The following MAP3K10 variants were observed in gnomAD, a reference collection of about 807,000 sequenced individuals.
The protein encoded by MAP3K10 is MKN28 derived nonreceptor_type serine/threonine kinase.
Under a neutral mutation model 75.0 loss-of-function variants are expected in MAP3K10, and 22 were observed. That is an observed-to-expected ratio of 0.29 (90% CI 0.21 to 0.42). MAP3K10 has a LOEUF of 0.42. Among genes scored for constraint, MAP3K10 ranks in the 10% least tolerant of loss-of-function variants. MAP3K10 has a pLI of 1.00. For synonymous variants in MAP3K10, 599 were observed against 612.9 expected, an observed-to-expected ratio of 0.98 and a Z score of 0.34; for missense variants, 1,165 against 1,379.8, an observed-to-expected ratio of 0.84 and a Z score of 2.47.
rs370743069 is a variant in MAP3K10 at position 40,204,601 on chromosome 19, C to T, written c.980C>T (p.Thr327Met). Reference sequence around the variant, plus strand: ...AAGCTGACGCTGCCCATTCCCTCCACGTGCCCCGAGCCCTTTGCCCGCCTC... The same window carrying T: ...AAGCTGACGCTGCCCATTCCCTCCATGTGCCCCGAGCCCTTTGCCCGCCTC... ...MNKLTLPIPS[T>M]CPEPFARLLE... The change falls in exon 3 of 10, where the codon ACG becomes ATG. Residue 327 changes from threonine (T) to methionine (M), a missense_variant. Around this residue, in one of 2 missense-constraint regions of MAP3K10, gnomAD observed 575 missense variants for 793.2 expected, o/e 0.72. Coordinates refer to ENST00000253055, the MANE Select transcript of MAP3K10 (RefSeq NM_002446.4). The surrounding 1 kb of genome is among the most constrained non-coding windows in gnomAD (Gnocchi z 4.3). 43 of 1,612,990 alleles carry T rather than the reference C, an allele frequency of 2.7e-5. No homozygotes were observed. Among genetic ancestry groups the T allele is most frequent in the Non-Finnish European group, 3.2e-5 (38 of 1,179,586 alleles).
chr19:40,213,998 G>GCCCACCCCCCCCCCCCCCCCCC lies in MAP3K10; in HGVS notation c.2322_2323insACCCCCCCCCCCCCCCCCCCCC (p.Ser775ThrfsTer84). The GCCCACCCCCCCCCCCCCCCCCC allele has an allele frequency of 1.3e-6, 2 of 1,521,834 alleles. No homozygotes were observed. The highest frequency in any genetic ancestry group is 2.0e-5 in the Admixed American group (1 of 48,826). The allele number at this position is 1,521,834 out of a possible 1,614,324, so 94.3% of individuals were successfully genotyped here. ...ACAGTGACGAGGCCGCACCGGCCGC[G>GCCCACCCCCCCCCCCCCCCCCC]CCCTCCCCACCACCCTCCCCGCCCG... On this transcript the variant is annotated frameshift_variant, in exon 9 of 10. Transcript: ENST00000253055. LOFTEE classifies it high-confidence loss of function. The surrounding 1 kb of genome is among the most constrained non-coding windows in gnomAD (Gnocchi z 5.7).
In MAP3K10 at chr19:40,198,541, C is replaced by T; in HGVS notation, c.849C>T (p.Ser283=). 6.2e-7 allele frequency: 1 copy of T among 1,612,492 alleles called. No homozygotes were observed. The highest frequency in any genetic ancestry group is 1.7e-5 in the Admixed American group (1 of 59,866). ...TCCGTCTCTCCCTCTTCTCCAAAAG[C>T]AGTGATGTCTGGAGGTGCTGAAAGG... ...EVIRLSLFSK[S]SDVWSFGVLL... Residue 283 remains serine, a synonymous_variant, in exon 2 of 10, where the codon AGC becomes AGT. Coordinates refer to ENST00000253055, the MANE Select transcript of MAP3K10 (RefSeq NM_002446.4). This position sits in a 1 kb window ranked among gnomAD's most constrained non-coding sequence, Gnocchi z 4.3.
Position 40,213,962 on chromosome 19 carries a change from G to T in MAP3K10, c.2283G>T (p.Leu761=). ...CCGACTGCAACTCCACGCGTTCACT[G>T]CTGCGCTCTGACAGTGACGAGGCCG... The part of the protein sequence containing the change: ...SVSDCNSTRS[L]LRSDSDEAAP... The change falls in exon 9 of 10, where the codon CTG becomes CTT. Residue 761 remains leucine, a synonymous_variant. Transcript: ENST00000253055. The surrounding 1 kb of genome is among the most constrained non-coding windows in gnomAD (Gnocchi z 5.7). 6.5e-7 allele frequency: 1 copy of T among 1,535,546 alleles called. No homozygotes were observed. Among genetic ancestry groups the T allele is most frequent in the Non-Finnish European group, 8.7e-7 (1 of 1,148,404 alleles).
In MAP3K10 at chr19:40,214,036, C is replaced by T. The variant is rs555782368; in HGVS notation, c.2357C>T (p.Thr786Met). ...CCCTCCCCGCCCGCGCCCACACCCA[C>T]GCCCTCGCCCAGCACCAACCCCCTG... ...PPPSPPAPTP[T>M]PSPSTNPLVD... The change falls in exon 9 of 10, where the codon ACG becomes ATG. Residue 786 changes from threonine (T) to methionine (M), a missense_variant. This residue lies in a region of MAP3K10 where 590 missense variants were observed against 586.6 expected (regional missense o/e 1.01). Coordinates refer to ENST00000253055, the MANE Select transcript of MAP3K10 (RefSeq NM_002446.4). 1.1e-5 allele frequency: 17 copies of T among 1,525,424 alleles called. No individual in the cohort carries two copies. The highest frequency in any genetic ancestry group is 8.4e-5 in the African/African-American group (6 of 71,528). 94.5% of individuals were successfully genotyped at this position (1,525,424 alleles called of 1,614,324 possible). A position where few individuals can be genotyped will look rare whatever the true frequency, so the allele number is the denominator to read the frequency against.
In MAP3K10 at chr19:40,192,671, G is replaced by T. The variant is rs1272200624; in HGVS notation, c.640G>T (p.Ala214Ser). Residue 214 changes from alanine (A) to serine (S), a missense_variant, in exon 1 of 10, where the codon GCC (alanine) becomes TCC (serine). Coordinates refer to ENST00000253055, the MANE Select transcript of MAP3K10 (RefSeq NM_002446.4). This position sits in a 1 kb window ranked among gnomAD's most constrained non-coding sequence, Gnocchi z 7.1. Reference sequence around the variant, plus strand: ...GGGCATGAACTACCTACACAATGATGCCCCTGTGCCCATCATCCACCGGGA... The same window carrying T: ...GGGCATGAACTACCTACACAATGATTCCCCTGTGCCCATCATCCACCGGGA... ...ARGMNYLHND[A>S]PVPIIHRDLK... is the part of the protein sequence containing the mutation. 8.3e-6 allele frequency: 13 copies of T among 1,558,796 alleles called. No individual in the cohort carries two copies.
chr19:40,201,032 T>C (rs935226641), intron 2 of MAP3K10, among the ~76,000 whole-genome samples: 4 of 152,046 alleles, frequency 2.6e-5, no homozygotes, highest in Non-Finnish European at 5.9e-5. Context: ...AGTAACCCCA[T>C]AGGTTTCCAA....
chr19:40,213,288 G>A lies in MAP3K10; in HGVS notation c.1837+100G>A. The A allele has an allele frequency of 6.9e-7, 1 of 1,455,388 alleles. No homozygotes were observed. Among genetic ancestry groups the A allele is most frequent in the East Asian group, 2.5e-5 (1 of 40,088 alleles). 90.2% of individuals were successfully genotyped at this position (1,455,388 alleles called of 1,614,324 possible). On this transcript the variant is annotated intron_variant, in intron 8 of 9. Coordinates refer to ENST00000253055, the MANE Select transcript of MAP3K10 (RefSeq NM_002446.4). This position sits in a 1 kb window ranked among gnomAD's most constrained non-coding sequence, Gnocchi z 5.7. Reference sequence around the variant, plus strand: ...AGACCAGGTTTCACTGGGCCAGTGAGTGGAAGGCCTTCCTGGGAAGGGAGA... The same window carrying A: ...AGACCAGGTTTCACTGGGCCAGTGAATGGAAGGCCTTCCTGGGAAGGGAGA...
intron 1 of MAP3K10, among the ~76,000 whole-genome samples, chr19:40,193,940 GA>G (rs1036591598): frequency 1.3e-5 from 2 of 152,136 alleles, no homozygotes; most frequent in African/African-American, 4.8e-5. Context: ...TCTACATCTT[GA>G]AATTTATTTT....
intron 6 of MAP3K10, among the ~76,000 whole-genome samples, chr19:40,209,894 G>A (rs185094635): frequency 6.8e-4 from 103 of 152,264 alleles, no homozygotes; most frequent in Non-Finnish European, 1.3e-3. Context: ...CACTTTGGGA[G>A]GATGAAGTGG....
intron 5 of MAP3K10, among the ~76,000 whole-genome samples, chr19:40,207,340 A>G (rs1301054303): frequency 6.6e-6 from 1 of 152,180 alleles, no homozygotes; most frequent in Non-Finnish European, 1.5e-5. Context: ...TGCCTTAAGC[A>G]GCAGTGGCCA....
Position 40,205,006 on chromosome 19 carries a change from A to G in MAP3K10, c.1013-115A>G. 2.2e-6 allele frequency: 2 copies of G among 928,940 alleles called. No individual in the cohort carries two copies. Among genetic ancestry groups the G allele is most frequent in the South Asian group, 3.0e-5 (2 of 67,542 alleles). The allele number at this position is 928,940 out of a possible 1,614,324, so 57.5% of individuals were successfully genotyped here. A position where few individuals can be genotyped will look rare whatever the true frequency, so the allele number is the denominator to read the frequency against. ...AATCCCTTCCCCTCAGCTCCATAGC[A>G]GCTGTTTGTCTGCCATCCCCAGAAA... is the stretch of plus-strand genomic sequence containing the variant. On this transcript the variant is annotated intron_variant, in intron 3 of 9. Coordinates refer to ENST00000253055, the MANE Select transcript of MAP3K10 (RefSeq NM_002446.4). This position sits in a 1 kb window ranked among gnomAD's most constrained non-coding sequence, Gnocchi z 4.3.
At chr19:40,211,139 C>T (rs1377101530) in intron 6 of MAP3K10, among the ~76,000 whole-genome samples, 1 of 152,124 alleles carries the variant, frequency 6.6e-6, no homozygotes, top group Non-Finnish European at 1.5e-5. Context: ...AAGCATGCCC[C>T]TGGCGGAGGG....
Position 40,215,081 on chromosome 19 carries a change from C to G in MAP3K10, c.2654C>G (p.Pro885Arg). 6.2e-7 allele frequency: 1 copy of G among 1,610,374 alleles called. No individual in the cohort carries two copies. The highest frequency in any genetic ancestry group is 8.5e-7 in the Non-Finnish European group (1 of 1,178,766). The part of the protein sequence containing the change: ...PGRPTTLTFA[P>R]RPRPAASRPR... ...CGCCCCACCACCCTGACCTTTGCCC[C>G]GAGACCTCGGCCGGCTGCCAGTCGC... is the stretch of plus-strand genomic sequence containing the variant. Residue 885 changes from proline (P) to arginine (R), a missense_variant, in exon 10 of 10, where the codon CCG (proline) becomes CGG (arginine). Physicochemically the swap from Pro to Arg is moderately radical, Grantham distance 103. This residue lies in a region of MAP3K10 where 590 missense variants were observed against 586.6 expected (regional missense o/e 1.01). Transcript: ENST00000253055.
At chr19:40,200,248 C>T (rs377302432) in intron 2 of MAP3K10, among the ~76,000 whole-genome samples, 8 of 152,026 alleles carry the variant, frequency 5.3e-5, no homozygotes, top group East Asian at 1.9e-4. Flanking sequence ...GAGATGGCGC[C>T]GTTGCACTCC....
chr19:40,206,311 T>C, intron 5 of MAP3K10, 154 bp downstream of exon 5: 2 of 899,360 alleles, frequency 2.2e-6, no homozygotes, highest in Non-Finnish European at 3.1e-6. Flanking sequence ...CGAGCACTTG[T>C]AGTCCCAGCC....
Position 40,205,727 on chromosome 19 carries a change from T to G in MAP3K10, c.1189-184T>G. On this transcript the variant is annotated intron_variant, in intron 4 of 9. Transcript: ENST00000253055. This position sits in a 1 kb window ranked among gnomAD's most constrained non-coding sequence, Gnocchi z 4.3. ...AGAAAAAGCACCCCTTTCTTTGAGC[T>G]AACACAGTTCCCTGCCCTGGCACCC... The G allele has an allele frequency of 1.7e-6, 1 of 602,734 alleles. No homozygotes were observed. The highest frequency in any genetic ancestry group is 2.8e-6 in the Non-Finnish European group (1 of 357,356). 37.3% of individuals were successfully genotyped at this position (602,734 alleles called of 1,614,324 possible).
rs1973089902 is a variant in MAP3K10 at position 40,204,950 on chromosome 19, C to T, written c.1013-171C>T. 1.4e-6 allele frequency: 1 copy of T among 692,416 alleles called. No homozygotes were observed. Among genetic ancestry groups the T allele is most frequent in the Non-Finnish European group, 2.5e-6 (1 of 399,696 alleles). 42.9% of individuals were successfully genotyped at this position (692,416 alleles called of 1,614,324 possible). On this transcript the variant is annotated intron_variant, in intron 3 of 9. Transcript: ENST00000253055. The surrounding 1 kb of genome is among the most constrained non-coding windows in gnomAD (Gnocchi z 4.3). The stretch of plus-strand genomic sequence containing the variant: ...CCAGGGTTTCTCTCCCAGCGTTTCA[C>T]TGAGTGGAATTGGCCAGGAGCTTGG...
chr19:40,195,730 G>A (rs1465389224), intron 1 of MAP3K10, among the ~76,000 whole-genome samples: 1 of 151,950 alleles, frequency 6.6e-6, no homozygotes, highest in African/African-American at 2.4e-5. Flanking sequence ...CCTGACCTCA[G>A]GTGATCCGCC....
chr19:40,213,953 G>T lies in MAP3K10; in HGVS notation c.2274G>T (p.Thr758=). ...CGTCCGTGTCCGACTGCAACTCCAC[G>T]CGTTCACTGCTGCGCTCTGACAGTG... ...SLSSVSDCNS[T]RSLLRSDSDE... Residue 758 remains threonine (T), a synonymous_variant, in exon 9 of 10, where the codon ACG becomes ACT. Transcript: ENST00000253055. The surrounding 1 kb of genome is among the most constrained non-coding windows in gnomAD (Gnocchi z 5.7). The T allele has an allele frequency of 6.5e-7, 1 of 1,532,266 alleles. No individual in the cohort carries two copies. Among genetic ancestry groups the T allele is most frequent in the South Asian group, 1.2e-5 (1 of 82,618 alleles). The allele number at this position is 1,532,266 out of a possible 1,614,324, so 94.9% of individuals were successfully genotyped here. A position where few individuals can be genotyped will look rare whatever the true frequency, so the allele number is the denominator to read the frequency against.
Sources: gnomAD v4.1 joint callset for allele counts (sites outside exome capture counted in the v4.1 genomes callset) on GRCh38, gnomAD v4.1.1 for gene constraint, gnomAD v4.1.1 regional missense constraint, Gnocchi (gnomAD v3.1) non-coding constraint, MANE v1.5 for transcripts, NCBI Gene and HGNC (gene_info 2026-07-23, HGNC 2026-07-21) for gene names.